The following KLHL1 variants were observed in gnomAD, a reference collection of about 807,000 sequenced individuals.
The protein encoded by KLHL1 is kelch like family member 1.
KLHL1 carries 47 observed loss-of-function variants against 77.7 expected under a neutral mutation model. The ratio of observed to expected loss-of-function variants is 0.60; its 90% CI spans 0.48 to 0.77. KLHL1 has a LOEUF of 0.77. Ranked by LOEUF, KLHL1 falls within the 30% of genes least tolerant of loss-of-function variation. The pLI is 0.00. For synonymous variants in KLHL1, 360 were observed against 325.2 expected, an observed-to-expected ratio of 1.11 and a Z score of -1.15; for missense variants, 925 against 910.8, an observed-to-expected ratio of 1.02 and a Z score of -0.20.
At chr13:70,019,329 G>A (rs550431631) in intron 1 of KLHL1, among the ~76,000 whole-genome samples, 92 of 150,050 alleles carry the variant, frequency 6.1e-4, no homozygotes, top group Non-Finnish European at 1.3e-3. Flanking sequence ...TACTGAATGC[G>A]GGAGGAAGAA....
intron 1 of KLHL1, among the ~76,000 whole-genome samples, chr13:69,988,988 C>T (rs1452476464): frequency 6.6e-6 from 1 of 151,954 alleles, no homozygotes; most frequent in African/African-American, 2.4e-5. Flanking sequence ...TCAATTTTTG[C>T]TTTTGCTGAA....
chr13:69,748,517 C>G (rs1475176221), intron 7 of KLHL1, among the ~76,000 whole-genome samples: 1 of 151,914 alleles, frequency 6.6e-6, no homozygotes, highest in Non-Finnish European at 1.5e-5. Flanking sequence ...ATTATCTCCC[C>G]CTGGGTCCCT....
intron 1 of KLHL1, among the ~76,000 whole-genome samples, chr13:70,087,239 A>C (rs1193433363): frequency 1.3e-5 from 2 of 152,174 alleles, no homozygotes; most frequent in Non-Finnish European, 2.9e-5. Flanking sequence ...AACTGTGTGA[A>C]TGTTTAGGCG....
At chr13:69,874,264 G>C (rs962832656) in intron 5 of KLHL1, among the ~76,000 whole-genome samples, 1 of 151,886 alleles carries the variant, frequency 6.6e-6, no homozygotes, top group African/African-American at 2.4e-5. Flanking sequence ...GAATCAGTTG[G>C]TACTAATGGA....
chr13:69,951,319 C>T (rs59765144), intron 3 of KLHL1, among the ~76,000 whole-genome samples: 20,860 of 151,150 alleles, frequency 0.14, 2,360 homozygotes, highest in African/African-American at 0.29. Context: ...CTTATTTTTT[C>T]TTTCCTTTAT....
chr13:69,713,048 A>G (rs1344916200), intron 9 of KLHL1, among the ~76,000 whole-genome samples: 1 of 152,058 alleles, frequency 6.6e-6, no homozygotes, highest in Non-Finnish European at 1.5e-5. Flanking sequence ...CAGTCTGGTC[A>G]CAAATTCCTG....
intron 1 of KLHL1, among the ~76,000 whole-genome samples, chr13:70,073,724 C>G (rs866759865): frequency 6.6e-6 from 1 of 151,978 alleles, no homozygotes; most frequent in Non-Finnish European, 1.5e-5. Flanking sequence ...CTGCGGTGAG[C>G]CATGATCGTG....
At chr13:69,819,483 T>C (rs1248273650) in intron 6 of KLHL1, among the ~76,000 whole-genome samples, 2 of 152,146 alleles carry the variant, frequency 1.3e-5, no homozygotes, top group Non-Finnish European at 2.9e-5. Flanking sequence ...CACATTCTTA[T>C]TATTAGGCAC....
intron 1 of KLHL1, among the ~76,000 whole-genome samples, chr13:70,057,763 A>G (rs1274555618): frequency 7.4e-6 from 1 of 135,462 alleles, no homozygotes; most frequent in Non-Finnish European, 1.6e-5. Context: ...GGCCTGGGCG[A>G]CAGAGCGAGA....
chr13:69,850,316 T>G (rs1879635006), intron 5 of KLHL1, among the ~76,000 whole-genome samples: 1 of 151,502 alleles, frequency 6.6e-6, no homozygotes, highest in Non-Finnish European at 1.5e-5. Flanking sequence ...ACTTCAAACT[T>G]TTTTTTGAGA....
intron 6 of KLHL1, among the ~76,000 whole-genome samples, chr13:69,825,021 T>C (rs970337622): frequency 6.6e-6 from 1 of 152,110 alleles, no homozygotes; most frequent in Admixed American, 6.6e-5. Context: ...TGATGAGTGA[T>C]AGAAAAATGA....
At chr13:69,733,094 T>A (rs1391661932) in intron 8 of KLHL1, among the ~76,000 whole-genome samples, 1 of 152,106 alleles carries the variant, frequency 6.6e-6, no homozygotes, top group Non-Finnish European at 1.5e-5. Context: ...ATATTTAATA[T>A]TAAAATATCT....
chr13:70,089,431 T>G (rs1887621748), intron 1 of KLHL1, among the ~76,000 whole-genome samples: 1 of 152,206 alleles, frequency 6.6e-6, no homozygotes. Flanking sequence ...CAAAGCATGT[T>G]GGCTAATTTC....
At chr13:70,044,186 T>C (rs983741287) in intron 1 of KLHL1, among the ~76,000 whole-genome samples, 2 of 152,186 alleles carry the variant, frequency 1.3e-5, no homozygotes, top group Non-Finnish European at 2.9e-5. Flanking sequence ...ACTGGCCTTT[T>C]GGAGTCTGTT....
chr13:69,986,082 A>AG (rs1884862626), intron 1 of KLHL1, among the ~76,000 whole-genome samples: 1 of 151,688 alleles, frequency 6.6e-6, no homozygotes, highest in Admixed American at 6.6e-5. Context: ...CAAGTACTGA[A>AG]GGACCAATAT....
chr13:69,849,597 A>G (rs3012104), intron 5 of KLHL1, among the ~76,000 whole-genome samples: 141,445 of 151,336 alleles, frequency 0.93, 66,326 homozygotes, highest in East Asian at 0.99. Flanking sequence ...ACTTTCATGA[A>G]GATTTACTTC....
intron 1 of KLHL1, among the ~76,000 whole-genome samples, chr13:70,074,542 A>T (rs553746144): frequency 2.0e-5 from 3 of 152,178 alleles, no homozygotes; most frequent in East Asian, 3.9e-4. Context: ...GGACACAGGT[A>T]TTAGATGCAA....
chr13:69,869,864 T>A (rs1433694465), intron 5 of KLHL1, among the ~76,000 whole-genome samples: 1 of 152,192 alleles, frequency 6.6e-6, no homozygotes, highest in Non-Finnish European at 1.5e-5. Flanking sequence ...TTTTAAATTG[T>A]AGCATTTTCT....
intron 10 of KLHL1, among the ~76,000 whole-genome samples, chr13:69,705,488 G>T (rs996660598): frequency 5.3e-5 from 8 of 151,562 alleles, no homozygotes; most frequent in African/African-American, 1.9e-4. Context: ...ATATTATATG[G>T]AATAACCAAT....
Sources: allele counts gnomAD v4.1 joint callset (sites outside exome capture counted in the v4.1 genomes callset), GRCh38; gene constraint gnomAD v4.1.1; transcripts MANE v1.5; gene names NCBI Gene and HGNC (gene_info 2026-07-23, HGNC 2026-07-21).